The following RIPK4 variants were observed in gnomAD, a reference collection of about 807,000 sequenced individuals.
RIPK4 encodes receptor-interacting serine/threonine-protein kinase 4.
RIPK4 carries 17 observed loss-of-function variants against 42.9 expected under a neutral mutation model. The ratio of observed to expected loss-of-function variants is 0.40; its 90% confidence interval spans 0.27 to 0.59. The LOEUF is 0.59. RIPK4 is among the 20% of genes least tolerant of loss of function. The pLI is 0.47. For synonymous variants in RIPK4, 498 were observed against 499.1 expected, an observed-to-expected ratio of 1.00 and a Z score of 0.03; for missense variants, 897 against 1,104.4, an observed-to-expected ratio of 0.81 and a Z score of 2.66.
chr21:41,744,412 G>A (rs1039180302), intron 6 of RIPK4, among the ~76,000 whole-genome samples: 5 of 151,908 alleles, frequency 3.3e-5, no homozygotes, highest in African/African-American at 4.8e-5. Flanking sequence ...CCCTGCACCC[G>A]CACAGCACTT....
intron 1 of RIPK4, among the ~76,000 whole-genome samples, chr21:41,758,041 T>TATATATATAGAG (rs1452050960): frequency 5.1e-5 from 3 of 58,486 alleles, no homozygotes; most frequent in South Asian, 6.7e-4. Context: ...TATATATATA[T>TATATATATAGAG]AGAGAGAGAG....
In RIPK4 at chr21:41,741,186, G is replaced by C. The variant is rs141170819; in HGVS notation, c.2007C>G (p.Asp669Glu). The change falls in exon 8 of 8, where the codon GAC becomes GAG. Residue 669 changes from aspartate to glutamate, a missense_variant. Transcript: ENST00000332512. ...RGAGKEAMTS[D>E]GYTALHLAAR... The stretch of plus-strand genomic sequence containing the variant: ...CAGCCAGGTGCAGAGCGGTGTAGCC[G>C]TCTGAGGTCATGGCCTCCTTGCCAG... The C allele has an allele frequency of 6.2e-7, 1 of 1,611,670 alleles. No homozygotes were observed. The highest frequency in any genetic ancestry group is 8.5e-7 in the Non-Finnish European group (1 of 1,179,266).
At chr21:41,761,942 C>T (rs1225278057) in intron 1 of RIPK4, among the ~76,000 whole-genome samples, 4 of 152,134 alleles carry the variant, frequency 2.6e-5, no homozygotes, top group African/African-American at 9.7e-5. Context: ...AAGTACTTTA[C>T]TCTCCCTGCC....
chr21:41,741,017 C>T lies in RIPK4; in HGVS notation c.2176G>A (p.Asp726Asn), dbSNP rs200483226. ...TGCTCGTCGAACAGGTCAATGACATCGGCGCTGACCAACTCCTCCACCACC... is the reference window on the plus strand; with the variant it reads ...TGCTCGTCGAACAGGTCAATGACATTGGCGCTGACCAACTCCTCCACCACC... ...SEVVEELVSA[D>N]VIDLFDEQGL... The change falls in exon 8 of 8, where the codon GAT (aspartate) becomes AAT (asparagine). Residue 726 changes from aspartate to asparagine, a missense_variant. By Grantham distance (23) the Asp-to-Asn change is conservative. Transcript: ENST00000332512. The T allele has an allele frequency of 2.2e-5, 35 of 1,609,684 alleles. No homozygotes were observed. Among genetic ancestry groups the T allele is most frequent in the South Asian group, 7.7e-5 (7 of 91,016 alleles).
intron 1 of RIPK4, among the ~76,000 whole-genome samples, chr21:41,757,318 C>T (rs960199780): frequency 2.6e-5 from 4 of 151,810 alleles, no homozygotes; most frequent in South Asian, 2.1e-4. Context: ...GTCAGGAGTT[C>T]GAGACCAGCC....
chr21:41,742,082 G>T lies in RIPK4; in HGVS notation c.1196-85C>A. ...TCTGGGAGCCTGGCTGTGGCGCTCA[G>T]GTGGAGGAGTGCCATGGCCTCCAGG... On this transcript the variant is annotated intron_variant, in intron 7 of 7. Coordinates refer to ENST00000332512, the MANE Select transcript of RIPK4 (RefSeq NM_020639.3). This position sits in a 1 kb window ranked among gnomAD's most constrained non-coding sequence, Gnocchi z 5.1. 1 of 1,237,558 alleles carries T rather than the reference G, an allele frequency of 8.1e-7. No homozygotes were observed. 76.7% of individuals were successfully genotyped at this position (1,237,558 alleles called of 1,614,324 possible).
At chr21:41,766,508 C>T (rs1473184571) in intron 1 of RIPK4, among the ~76,000 whole-genome samples, 1 of 152,150 alleles carries the variant, frequency 6.6e-6, no homozygotes, top group Non-Finnish European at 1.5e-5. Flanking sequence ...AGCTGGAGAC[C>T]CCGAAAACCA....
chr21:41,746,509 C>G, intron 5 of RIPK4, 104 bp downstream of exon 5: 1 of 1,380,100 alleles, frequency 7.2e-7, no homozygotes, highest in South Asian at 1.3e-5. Context: ...ACCTGTTACA[C>G]GCCTTGTTTC....
chr21:41,761,177 G>A (rs999576258), intron 1 of RIPK4, among the ~76,000 whole-genome samples: 7 of 152,312 alleles, frequency 4.6e-5, no homozygotes, highest in Admixed American at 2.6e-4. Flanking sequence ...AAAGGAAGAC[G>A]AGGACCTGAT....
chr21:41,741,450 G>GC lies in RIPK4; in HGVS notation c.1742dup (p.His582ProfsTer148). The GC allele has an allele frequency of 6.2e-7, 1 of 1,612,770 alleles. No individual in the cohort carries two copies. The highest frequency in any genetic ancestry group is 1.1e-5 in the South Asian group (1 of 91,084). ...CCAGCAGCTTGACGATGGGCAGGTGGCCCTGCCAGGCAGCGTAGTGCAGTG... is the reference window on the plus strand; with the variant it reads ...CCAGCAGCTTGACGATGGGCAGGTGGCCCCTGCCAGGCAGCGTAGTGCAGTG... On this transcript the variant is annotated frameshift_variant, in exon 8 of 8. Transcript: ENST00000332512. LOFTEE classifies it low-confidence loss of function (END_TRUNC).
At chr21:41,745,701 G>T in intron 6 of RIPK4, 58 bp downstream of exon 6, 1 of 1,351,042 alleles carries the variant, frequency 7.4e-7, no homozygotes, top group Non-Finnish European at 1.1e-6. Context: ...GGAGTGGTTT[G>T]GAAACTCCTG....
At chr21:41,758,039 TATAG>T (rs1326727713) in intron 1 of RIPK4, among the ~76,000 whole-genome samples, 31 of 89,016 alleles carry the variant, frequency 3.5e-4, no homozygotes, top group African/African-American at 9.0e-4. Flanking sequence ...TATATATATA[TATAG>T]AGAGAGAGAG....
rs1217463640 is a variant in RIPK4, at chr21:41,751,018, A to G, written c.623+79T>C. 1.5e-5 allele frequency: 23 copies of G among 1,520,428 alleles called. No individual in the cohort carries two copies. The highest frequency in any genetic ancestry group is 8.0e-5 in the Admixed American group (4 of 49,768). The allele number at this position is 1,520,428 out of a possible 1,614,324, so 94.2% of individuals were successfully genotyped here. Reference sequence around the variant, plus strand: ...ACTGGCAGCAAGAGGCCTTTCTGAAAGCTGCAGCTCAGGGCATGAAGCATT... The same window carrying G: ...ACTGGCAGCAAGAGGCCTTTCTGAAGGCTGCAGCTCAGGGCATGAAGCATT... On this transcript the variant is annotated intron_variant, in intron 3 of 7. Transcript: ENST00000332512. The surrounding 1 kb of genome is among the most constrained non-coding windows in gnomAD (Gnocchi z 4.5).
chr21:41,748,281 C>T (rs1253679353), intron 4 of RIPK4, among the ~76,000 whole-genome samples: 1 of 152,216 alleles, frequency 6.6e-6, no homozygotes, highest in African/African-American at 2.4e-5. Context: ...CTAGTCTGAG[C>T]CCCGACTAAC....
rs770773216 is a variant in RIPK4, at chr21:41,744,078, G to A, written c.999C>T (p.Ser333=). The change falls in exon 7 of 8, where the codon TCC becomes TCT. Residue 333 remains serine, a synonymous_variant. Coordinates refer to ENST00000332512, the MANE Select transcript of RIPK4 (RefSeq NM_020639.3). ...CAGAGTCCAGCTGTGAGAGCAGCTC[G>A]GAGAGGCTGTAGTCGTTATCGAAGG... is the stretch of plus-strand genomic sequence containing the variant. ...APTFDNDYSL[S]ELLSQLDSGV... 36 of 1,611,766 alleles carry A rather than the reference G, an allele frequency of 2.2e-5. No individual in the cohort carries two copies. In the East Asian group the frequency reaches 2.9e-4, roughly 13 times the overall value.
rs1218763992 is a variant in RIPK4, at chr21:41,741,345, G to A, written c.1848C>T (p.His616=). The change falls in exon 8 of 8, where the codon CAC becomes CAT. Residue 616 remains histidine (H), a synonymous_variant. Transcript: ENST00000332512. ...TPLHLAAQRG[H]YRVARILIDL... ...CGATGAGGATGCGGGCCACGCGGTAGTGCCCGCGCTGTGCGGCCAGGTGCA... is the reference window on the plus strand; with the variant it reads ...CGATGAGGATGCGGGCCACGCGGTAATGCCCGCGCTGTGCGGCCAGGTGCA... 1 of 1,610,714 alleles carries A rather than the reference G, an allele frequency of 6.2e-7. No individual in the cohort carries two copies. Among genetic ancestry groups the A allele is most frequent in the Admixed American group, 1.7e-5 (1 of 60,000 alleles).
Position 41,744,001 on chromosome 21 carries a change from T to G in RIPK4, c.1076A>C (p.Glu359Ala). 1 of 1,613,110 alleles carries G rather than the reference T, an allele frequency of 6.2e-7. No homozygotes were observed. Among genetic ancestry groups the G allele is most frequent in the Non-Finnish European group, 8.5e-7 (1 of 1,179,980 alleles). Residue 359 changes from glutamate to alanine, a missense_variant, in exon 7 of 8, where the codon GAG becomes GCG. Coordinates refer to ENST00000332512, the MANE Select transcript of RIPK4 (RefSeq NM_020639.3). ...ACTGCCGGACGATGGCAGCTTGGAC[T>G]CAGAGGAGCTGCGGCTGAGCTCCTC... ...GPEELSRSSS[E>A]SKLPSSGSGK...
intron 1 of RIPK4, among the ~76,000 whole-genome samples, chr21:41,758,949 C>T (rs2061212923): frequency 6.6e-6 from 1 of 152,176 alleles, no homozygotes; most frequent in Non-Finnish European, 1.5e-5. Flanking sequence ...GGCTGAATCC[C>T]ACGGACGCAC....
In RIPK4 at chr21:41,758,450, A is replaced by G. The variant is rs571053221; in HGVS notation, c.183-1634T>C. Among the ~76,000 whole-genome samples, 13 of 152,312 alleles carry G rather than the reference A, an allele frequency of 8.5e-5. No homozygotes were observed. In the South Asian group the frequency reaches 2.7e-3, roughly 32 times the overall value. On this transcript the variant is annotated intron_variant, in intron 1 of 7. Coordinates refer to ENST00000332512, the MANE Select transcript of RIPK4 (RefSeq NM_020639.3). ...TGCACGAATGTACTGCGTTTTGTTCATCTGTTCGTGGGTGCAGGCCATTTC... is the reference window on the plus strand; with the variant it reads ...TGCACGAATGTACTGCGTTTTGTTCGTCTGTTCGTGGGTGCAGGCCATTTC...
Sources: gnomAD v4.1 joint callset for allele counts (sites outside exome capture counted in the v4.1 genomes callset) on GRCh38, gnomAD v4.1.1 for gene constraint, Gnocchi (gnomAD v3.1) non-coding constraint, MANE v1.5 for transcripts, NCBI Gene and HGNC (gene_info 2026-07-23, HGNC 2026-07-21) for gene names.